Variants in KHDRBS2 observed in about 807,000 individuals in gnomAD.
The protein encoded by KHDRBS2 is KH RNA binding domain containing, signal transduction associated 2, also known as KH domain-containing, RNA-binding, signal transduction-associated protein 2.
KHDRBS2 carries 26 observed loss-of-function variants against 44.3 expected under a neutral mutation model. The observed-to-expected ratio is 0.59, with a 90% confidence interval of 0.43 to 0.81. The LOEUF (loss-of-function observed/expected upper bound fraction) is 0.81. Ranked by LOEUF, KHDRBS2 falls within the 40% of genes least tolerant of loss-of-function variation. The probability of loss-of-function intolerance (pLI) is 0.00; values close to 1 mark genes in which losing one functional copy is unlikely to be tolerated. For synonymous variants in KHDRBS2, 194 were observed against 151.1 expected (o/e 1.28, Z -2.08); for missense variants, 476 against 433.1 (o/e 1.10, Z -0.88).
At chr6:61,632,997 C>T in the KHDRBS2 span, among the ~76,000 whole-genome samples, 3 of 151,766 alleles carry the variant, frequency 2.0e-5, no homozygotes, top group Non-Finnish European at 4.4e-5. Context: ...AATAAATTAC[C>T]CTTTGATATC....
chr6:61,785,059 G>T (rs1429787693), intron 6 of KHDRBS2, among the ~76,000 whole-genome samples: 1 of 151,938 alleles, frequency 6.6e-6, no homozygotes, highest in Non-Finnish European at 1.5e-5. Context: ...TGAAATGGGA[G>T]GATCACCTGA....
At chr6:61,972,724 T>C (rs1583883248) in intron 4 of KHDRBS2, among the ~76,000 whole-genome samples, 1 of 152,214 alleles carries the variant, frequency 6.6e-6, no homozygotes, top group Non-Finnish European at 1.5e-5. Flanking sequence ...AATGTTGAAC[T>C]CCTGCCGTCA....
intron 4 of KHDRBS2, among the ~76,000 whole-genome samples, chr6:61,940,487 G>C (rs1811931205): frequency 6.6e-6 from 1 of 152,114 alleles, no homozygotes; most frequent in South Asian, 2.1e-4. Context: ...GTGGAGGGTG[G>C]TTGTGCTGGG....
At chr6:61,687,977 T>C (rs1232978313) in intron 8 of KHDRBS2, among the ~76,000 whole-genome samples, 1 of 151,882 alleles carries the variant, frequency 6.6e-6, no homozygotes, top group Non-Finnish European at 1.5e-5. Flanking sequence ...AATTGCCTAT[T>C]CAGTTCTAGT....
intron 6 of KHDRBS2, among the ~76,000 whole-genome samples, chr6:61,788,301 C>T (rs996394445): frequency 1.3e-5 from 2 of 151,576 alleles, no homozygotes; most frequent in East Asian, 3.9e-4. Context: ...TTTACCACTT[C>T]TAGCTTTTAA....
Position 61,957,111 on chromosome 6 carries a change from A to G in KHDRBS2, c.483+20955T>C, listed in dbSNP as rs1270017176. 2.0e-5 allele frequency among the ~76,000 whole-genome samples: 3 copies of G among 152,188 alleles called. No individual in the cohort carries two copies. The East Asian group carries it at 5.8e-4, about 29-fold the overall frequency. On this transcript the variant is annotated intron_variant, in intron 4 of 8. Coordinates refer to ENST00000281156, the MANE Select transcript of KHDRBS2 (RefSeq NM_152688.4). ...TCTGAACATAAATTGTGAAGATTTC[A>G]TGGACACTTATCACTTCCCCAATCA...
At chr6:61,577,863 T>C in the KHDRBS2 span, among the ~76,000 whole-genome samples, 1 of 152,186 alleles carries the variant, frequency 6.6e-6, no homozygotes, top group Non-Finnish European at 1.5e-5. Context: ...AACATTTTAG[T>C]TACGGAATGA....
intron 2 of KHDRBS2, among the ~76,000 whole-genome samples, chr6:62,087,952 T>C (rs1276254649): frequency 6.6e-6 from 1 of 152,234 alleles, no homozygotes; most frequent in East Asian, 1.9e-4. Flanking sequence ...TGATCTTCAA[T>C]CTCTGATATC....
intron 6 of KHDRBS2, among the ~76,000 whole-genome samples, chr6:61,874,513 T>C (rs1330932636): frequency 6.6e-6 from 1 of 152,184 alleles, no homozygotes; most frequent in Non-Finnish European, 1.5e-5. Context: ...CACTTTATTT[T>C]CCCTATCAGT....
chr6:62,179,121 T>A (rs547788532), intron 1 of KHDRBS2, among the ~76,000 whole-genome samples: 116 of 151,720 alleles, frequency 7.6e-4, no homozygotes, highest in Non-Finnish European at 1.2e-3. Context: ...TCTTTTCGCA[T>A]ACTATTTATT....
the KHDRBS2 span, among the ~76,000 whole-genome samples, chr6:61,578,007 A>T: frequency 6.6e-6 from 1 of 152,168 alleles, no homozygotes; most frequent in Non-Finnish European, 1.5e-5. Flanking sequence ...CTTCATTAAT[A>T]AAACTTCACT....
chr6:61,763,547 A>G (rs1386203856), intron 6 of KHDRBS2, among the ~76,000 whole-genome samples: 7 of 152,194 alleles, frequency 4.6e-5, no homozygotes, highest in Non-Finnish European at 1.0e-4. Context: ...AGCATTAGGA[A>G]TCAAATATGA....
chr6:61,969,446 C>G (rs138425163), intron 4 of KHDRBS2, among the ~76,000 whole-genome samples: 1 of 152,046 alleles, frequency 6.6e-6, no homozygotes, highest in Admixed American at 6.6e-5. Flanking sequence ...GATGTCTGTA[C>G]TTTGCATGAG....
rs1839396087 is a variant in KHDRBS2 at position 62,267,513 on chromosome 6, C to T, written c.91+18345G>A. ...ACAGGGGTTCTAAAATGGGTCAAAA[C>T]AAACTTGGACAATCTCCTTAAAAAT... On this transcript the variant is annotated intron_variant, in intron 1 of 8. Coordinates refer to ENST00000281156, the MANE Select transcript of KHDRBS2 (RefSeq NM_152688.4). Among the ~76,000 whole-genome samples, 3 of 152,124 alleles carry T rather than the reference C, an allele frequency of 2.0e-5. No homozygotes were observed. The South Asian group carries it at 6.2e-4, about 31-fold the overall frequency.
At chr6:61,607,520 CAAAAAAAAAAAAAAA>C in the KHDRBS2 span, among the ~76,000 whole-genome samples, 2 of 41,098 alleles carry the variant, frequency 4.9e-5, no homozygotes, top group African/African-American at 1.8e-4. Context: ...GAGTTCCAAG[CAAAAAAAAAAAAAAA>C]AAAAAAAAAA....
In KHDRBS2 at chr6:62,244,704, T is replaced by C. The variant is rs1835267283; in HGVS notation, c.91+41154A>G. 2.0e-5 allele frequency among the ~76,000 whole-genome samples: 3 copies of C among 152,144 alleles called. No homozygotes were observed. In the South Asian group the frequency reaches 6.2e-4, roughly 31 times the overall value. On this transcript the variant is annotated intron_variant, in intron 1 of 8. Transcript: ENST00000281156. ...TTATAAATAGAAATAGATTAAGCAATAGATTTAATCTGTTTCAATAAATCT... is the reference window on the plus strand; with the variant it reads ...TTATAAATAGAAATAGATTAAGCAACAGATTTAATCTGTTTCAATAAATCT...
chr6:61,906,979 C>T (rs1347722169), intron 4 of KHDRBS2, among the ~76,000 whole-genome samples: 5 of 151,992 alleles, frequency 3.3e-5, no homozygotes, highest in African/African-American at 7.2e-5. Context: ...TTTGAGGAAC[C>T]TCCATACTGT....
intron 2 of KHDRBS2, among the ~76,000 whole-genome samples, chr6:62,137,150 G>A (rs144876808): frequency 0.01 from 1,560 of 151,816 alleles, 32 homozygotes; most frequent in African/African-American, 0.035. Context: ...ACAGGCACCC[G>A]CCACCATGCC....
intron 1 of KHDRBS2, among the ~76,000 whole-genome samples, chr6:62,194,250 C>T (rs2150133301): frequency 6.6e-6 from 1 of 151,936 alleles, no homozygotes; most frequent in East Asian, 1.9e-4. Context: ...TTTTTATAAA[C>T]AGGATAAGAG....
Sources: gnomAD v4.1 joint callset for allele counts (sites outside exome capture counted in the v4.1 genomes callset) on GRCh38, gnomAD v4.1.1 for gene constraint, MANE v1.5 for transcripts, NCBI Gene and HGNC (gene_info 2026-07-23, HGNC 2026-07-21) for gene names.